Variants in PFDN1 observed in about 807,000 individuals in gnomAD.
PFDN1 encodes prefoldin subunit 1.
In PFDN1, 6 loss-of-function variants were observed where a neutral mutation model predicts 17.3. That is an observed-to-expected ratio of 0.35 (90% confidence interval 0.19 to 0.69). PFDN1 has a LOEUF of 0.69. PFDN1 is among the 30% of genes least tolerant of loss of function. PFDN1 has a pLI of 0.65. For missense variants in PFDN1, 113 were observed against 146.2 expected (o/e 0.77, Z 1.17); for synonymous variants, 58 against 50.1 (o/e 1.16, Z -0.67).
At position 140,274,219 on chromosome 5, in the gene PFDN1, C is replaced by T. The variant is rs990811941; in HGVS notation, c.285+7230G>A. ...CAACAGTTTTAACTCAACTTTAAAACTGAATTTTGTCAAAAAAGACTTCTA... is the reference window on the plus strand; with the variant it reads ...CAACAGTTTTAACTCAACTTTAAAATTGAATTTTGTCAAAAAAGACTTCTA... On this transcript the variant is annotated intron_variant, in intron 3 of 3. Coordinates refer to ENST00000261813, the MANE Select transcript of PFDN1 (RefSeq NM_002622.5). Among the ~76,000 whole-genome samples, 4 of 152,128 alleles carry T rather than the reference C, an allele frequency of 2.6e-5. No homozygotes were observed. The South Asian group carries it at 8.3e-4, about 31-fold the overall frequency.
At position 140,292,736 on chromosome 5, in the gene PFDN1, A is replaced by T. The variant is rs1430446770; in HGVS notation, c.200+7680T>A. On this transcript the variant is annotated intron_variant, in intron 2 of 3. Coordinates refer to ENST00000261813, the MANE Select transcript of PFDN1 (RefSeq NM_002622.5). ...TAAATGAAATAAGGATACACTCTTC[A>T]CAAAAGCATGGGCACTAATGGTACA... Among the ~76,000 whole-genome samples, 4 of 152,182 alleles carry T rather than the reference A, an allele frequency of 2.6e-5. No individual in the cohort carries two copies. In the East Asian group the frequency reaches 7.7e-4, roughly 29 times the overall value.
intron 3 of PFDN1, among the ~76,000 whole-genome samples, chr5:140,272,362 C>CTTT (rs1765219175): frequency 1.5e-5 from 1 of 66,384 alleles, no homozygotes; most frequent in Non-Finnish European, 2.7e-5. Flanking sequence ...GTGGTAAAAC[C>CTTT]ATTTTTTTTT....
At chr5:140,277,234 A>C (rs1042801797) in intron 3 of PFDN1, among the ~76,000 whole-genome samples, 3 of 152,092 alleles carry the variant, frequency 2.0e-5, no homozygotes, top group African/African-American at 7.2e-5. Flanking sequence ...CTCAAAAAAA[A>C]AAAAAAAGTT....
chr5:140,265,783 C>G (rs1440885300), intron 3 of PFDN1: 1 of 152,212 alleles, frequency 6.6e-6, no homozygotes, highest in Non-Finnish European at 1.5e-5. Context: ...AGAAACCACA[C>G]TGAATGAATA....
At chr5:140,258,816 A>T (rs553670906) in intron 3 of PFDN1, among the ~76,000 whole-genome samples, 1 of 152,298 alleles carries the variant, frequency 6.6e-6, no homozygotes, top group African/African-American at 2.4e-5. Context: ...TTTTGGGTTT[A>T]AGGTACCTGT....
intron 2 of PFDN1, among the ~76,000 whole-genome samples, chr5:140,285,530 GAAGTGATTAA>G (rs1171246705): frequency 6.6e-6 from 1 of 151,728 alleles, no homozygotes; most frequent in Non-Finnish European, 1.5e-5. Flanking sequence ...CCTTAGTAAG[GAAGTGATTAA>G]AACTTTATGG....
chr5:140,264,701 T>G (rs1398239759), intron 3 of PFDN1, among the ~76,000 whole-genome samples: 3 of 151,448 alleles, frequency 2.0e-5, no homozygotes, highest in Non-Finnish European at 4.4e-5. Flanking sequence ...ATTAATTATC[T>G]GAGCATGGTA....
chr5:140,282,972 G>T (rs1278318526), intron 2 of PFDN1, among the ~76,000 whole-genome samples: 6 of 152,220 alleles, frequency 3.9e-5, no homozygotes, highest in Admixed American at 3.3e-4. Flanking sequence ...ACACATCAAG[G>T]TAGCAACATG....
chr5:140,300,522 T>G lies in PFDN1; in HGVS notation c.94A>C (p.Ile32Leu), dbSNP rs756545903. The stretch of plus-strand genomic sequence containing the variant: ...GTTCTGTTTAGCTGTTCAATCTGTA[T>G]GTCTGCGAGCTTCACCTTCTGTTGA... ...DTQQKVKLAD[I>L]QIEQLNRTKK... is the part of the protein sequence containing the mutation. The change falls in exon 2 of 4, where the codon ATA becomes CTA. Residue 32 changes from isoleucine to leucine, a missense_variant. By Grantham distance (5) the Ile-to-Leu change is conservative. Transcript: ENST00000261813. The G allele has an allele frequency of 1.9e-6, 3 of 1,613,430 alleles. No homozygotes were observed.
chr5:140,288,448 A>G (rs972739925), intron 2 of PFDN1, among the ~76,000 whole-genome samples: 1 of 152,226 alleles, frequency 6.6e-6, no homozygotes, highest in Non-Finnish European at 1.5e-5. Flanking sequence ...CAGGTGGAGC[A>G]CAAGGAATTT....
At chr5:140,283,660 AC>A (rs1469794459) in intron 2 of PFDN1, among the ~76,000 whole-genome samples, 3 of 152,118 alleles carry the variant, frequency 2.0e-5, no homozygotes, top group African/African-American at 7.2e-5. Context: ...TTACTATAGA[AC>A]CCTTCATGTC....
intron 1 of PFDN1, among the ~76,000 whole-genome samples, chr5:140,301,958 A>AT (rs1391980826): frequency 3.3e-5 from 5 of 152,224 alleles, no homozygotes; most frequent in Admixed American, 3.3e-4. Context: ...TAAGAGCTAA[A>AT]TTTACAAGAT....
At chr5:140,260,943 C>T (rs1243177378) in intron 3 of PFDN1, among the ~76,000 whole-genome samples, 1 of 151,906 alleles carries the variant, frequency 6.6e-6, no homozygotes, top group Non-Finnish European at 1.5e-5. Flanking sequence ...AGGTAGATCA[C>T]TTGAGGTCAG....
intron 2 of PFDN1, chr5:140,292,762 T>C (rs900235539): frequency 6.6e-6 from 1 of 152,136 alleles, no homozygotes. Context: ...TAATGGTACA[T>C]GTAACACACT....
At chr5:140,267,692 G>A (rs192220459) in intron 3 of PFDN1, among the ~76,000 whole-genome samples, 82 of 151,882 alleles carry the variant, frequency 5.4e-4, no homozygotes, top group Non-Finnish European at 2.5e-4. Flanking sequence ...GTCCGACAAC[G>A]CCCGACAACT....
chr5:140,246,157 C>T (rs1266938345), intron 3 of PFDN1, 100 bp from the exon 4 acceptor site: 18 of 773,354 alleles, frequency 2.3e-5, no homozygotes, highest in South Asian at 1.5e-5. Context: ...TCCTTTGTGA[C>T]AGGCAACTTT....
At chr5:140,271,240 T>C (rs1209181747) in intron 3 of PFDN1, among the ~76,000 whole-genome samples, 6 of 152,212 alleles carry the variant, frequency 3.9e-5, no homozygotes, top group Non-Finnish European at 5.9e-5. Context: ...TAGTTCATGA[T>C]AAACTCTGGG....
chr5:140,277,467 T>C (rs928435100), intron 3 of PFDN1, among the ~76,000 whole-genome samples: 14 of 150,840 alleles, frequency 9.3e-5, no homozygotes, highest in African/African-American at 2.7e-4. Context: ...ATAAACAAAA[T>C]AAGGAAGAAG....
intron 3 of PFDN1, among the ~76,000 whole-genome samples, chr5:140,273,642 C>T (rs1156630709): frequency 1.3e-5 from 2 of 152,124 alleles, no homozygotes; most frequent in South Asian, 2.1e-4. Context: ...GGACTTTAAA[C>T]GTCAAGACTT....
Sources: allele counts gnomAD v4.1 joint callset (sites outside exome capture counted in the v4.1 genomes callset), GRCh38; gene constraint gnomAD v4.1.1; transcripts MANE v1.5; gene names NCBI Gene and HGNC (gene_info 2026-07-23, HGNC 2026-07-21).